Variants in TENM3 observed in about 807,000 individuals in gnomAD.
TENM3 encodes the protein teneurin transmembrane protein 3.
Under a neutral mutation model 255.1 loss-of-function variants are expected in TENM3, and 63 were observed. The ratio of observed to expected loss-of-function variants is 0.25; its 90% CI spans 0.20 to 0.30. The LOEUF (loss-of-function observed/expected upper bound fraction) is 0.30, where lower values mean the gene tolerates loss of function less well. Among genes scored for constraint, TENM3 ranks in the 10% least tolerant of loss-of-function variants. TENM3 has a pLI of 1.00. For synonymous variants in TENM3, 1,306 were observed against 1,322.3 expected (o/e 0.99, Z 0.27); for missense variants, 2,929 against 3,461.1 (o/e 0.85, Z 3.86).
the TENM3 span, among the ~76,000 whole-genome samples, chr4:181,943,750 T>C: frequency 8.5e-5 from 13 of 152,246 alleles, no homozygotes; most frequent in Admixed American, 7.9e-4. Context: ...CTTTTGCATA[T>C]AATTCAGCTG....
chr4:181,485,489 T>TA, the TENM3 span, among the ~76,000 whole-genome samples: 66 of 151,576 alleles, frequency 4.4e-4, 1 homozygote, highest in African/African-American at 1.3e-3. Flanking sequence ...AGATTTTTTT[T>TA]AAAAAAAAGA....
chr4:182,276,612 A>G (rs566646922), intron 1 of TENM3, among the ~76,000 whole-genome samples: 2 of 152,364 alleles, frequency 1.3e-5, no homozygotes, highest in East Asian at 1.9e-4. Context: ...AATCTTGGCC[A>G]TATTTTTAAG....
chr4:181,823,296 G>A, the TENM3 span, among the ~76,000 whole-genome samples: 2,873 of 152,072 alleles, frequency 0.019, 115 homozygotes, highest in African/African-American at 0.067. Context: ...AATTACCTGC[G>A]TTGCCTTCTA....
intron 3 of TENM3, among the ~76,000 whole-genome samples, chr4:182,430,198 ACTT>A (rs1401522012): frequency 1.3e-5 from 2 of 152,324 alleles, no homozygotes; most frequent in Admixed American, 6.5e-5. Flanking sequence ...TTATTAGGCC[ACTT>A]CTTCTGCAAA....
chr4:181,692,690 C>T, the TENM3 span, among the ~76,000 whole-genome samples: 1 of 152,156 alleles, frequency 6.6e-6, no homozygotes, highest in Non-Finnish European at 1.5e-5. Context: ...ACCAAAGAGC[C>T]TAGGCAGATC....
the TENM3 span, among the ~76,000 whole-genome samples, chr4:182,120,973 A>G: frequency 1.3e-5 from 2 of 152,066 alleles, no homozygotes; most frequent in Admixed American, 1.3e-4. Flanking sequence ...AAGGCATGCC[A>G]TGTTCTGACT....
At chr4:182,163,695 A>G (rs1226982230) in intron 1 of TENM3, among the ~76,000 whole-genome samples, 1 of 152,196 alleles carries the variant, frequency 6.6e-6, no homozygotes, top group Non-Finnish European at 1.5e-5. Flanking sequence ...ATGTGGCACA[A>G]CTGAGGATAA....
chr4:181,756,415 A>G, the TENM3 span, among the ~76,000 whole-genome samples: 1 of 152,218 alleles, frequency 6.6e-6, no homozygotes, highest in Non-Finnish European at 1.5e-5. Flanking sequence ...AAAACAATGT[A>G]GCTTATCACT....
At chr4:181,454,312 G>A in the TENM3 span, among the ~76,000 whole-genome samples, 4 of 152,076 alleles carry the variant, frequency 2.6e-5, no homozygotes, top group East Asian at 1.9e-4. Context: ...GTCATGTACC[G>A]CATAACGATG....
chr4:182,417,052 C>A (rs1049476178), intron 3 of TENM3, among the ~76,000 whole-genome samples: 2 of 152,066 alleles, frequency 1.3e-5, no homozygotes. Context: ...CGGCTCACTG[C>A]AAGCTCCGCC....
At chr4:182,708,571 G>A (rs966336802) in intron 12 of TENM3, among the ~76,000 whole-genome samples, 3 of 152,180 alleles carry the variant, frequency 2.0e-5, no homozygotes, top group Non-Finnish European at 4.4e-5. Flanking sequence ...AGGCCGAGGA[G>A]GGTGGATCAT....
chr4:181,846,513 G>A, the TENM3 span, among the ~76,000 whole-genome samples: 4 of 152,102 alleles, frequency 2.6e-5, no homozygotes, highest in South Asian at 4.2e-4. Flanking sequence ...AGTCATTTTG[G>A]TTCAATTTTT....
chr4:182,013,808 TATATA>T, the TENM3 span, among the ~76,000 whole-genome samples: 1 of 151,724 alleles, frequency 6.6e-6, no homozygotes, highest in African/African-American at 2.4e-5. Context: ...AAGTACTCTC[TATATA>T]ATATATAGAG....
chr4:181,545,679 G>A, the TENM3 span, among the ~76,000 whole-genome samples: 1 of 152,032 alleles, frequency 6.6e-6, no homozygotes, highest in Non-Finnish European at 1.5e-5. Context: ...TTCAGAACCT[G>A]ATGAATGCTG....
the TENM3 span, among the ~76,000 whole-genome samples, chr4:182,111,302 T>C: frequency 6.6e-6 from 1 of 151,356 alleles, no homozygotes; most frequent in East Asian, 2.0e-4. Flanking sequence ...CCAGCTTCTC[T>C]TCATACACTC....
intron 3 of TENM3, among the ~76,000 whole-genome samples, chr4:182,388,769 C>A (rs1398431913): frequency 6.6e-6 from 1 of 152,188 alleles, no homozygotes; most frequent in Non-Finnish European, 1.5e-5. Flanking sequence ...ATGTGAAACT[C>A]TCTGGCCACC....
At chr4:181,591,465 A>G in the TENM3 span, among the ~76,000 whole-genome samples, 1 of 152,352 alleles carries the variant, frequency 6.6e-6, no homozygotes, top group East Asian at 1.9e-4. Flanking sequence ...AAAACTGGAA[A>G]CAACCCAAAT....
intron 4 of TENM3, among the ~76,000 whole-genome samples, chr4:182,623,764 A>G (rs760803122): frequency 6.6e-6 from 1 of 152,068 alleles, no homozygotes; most frequent in Admixed American, 6.6e-5. Context: ...CCACTAAGAC[A>G]TCTAGTTTTC....
At chr4:182,416,465 A>G (rs1770367096) in intron 3 of TENM3, among the ~76,000 whole-genome samples, 1 of 151,708 alleles carries the variant, frequency 6.6e-6, no homozygotes, top group Non-Finnish European at 1.5e-5. Context: ...CTAACCTTTA[A>G]AAGTTCTTTG....
Sources: gnomAD v4.1 joint callset for allele counts (sites outside exome capture counted in the v4.1 genomes callset) on GRCh38, gnomAD v4.1.1 for gene constraint, MANE v1.5 for transcripts, NCBI Gene and HGNC (gene_info 2026-07-23, HGNC 2026-07-21) for gene names.